PCLO: variants seen among roughly 807,000 people sequenced by gnomAD.
PCLO encodes the protein piccolo presynaptic cytomatrix protein.
PCLO carries 82 observed loss-of-function variants against 427.5 expected under a neutral mutation model. The observed-to-expected ratio is 0.19, with a 90% CI of 0.16 to 0.23. PCLO has a LOEUF of 0.23. PCLO is among the 10% of genes least tolerant of loss of function. The pLI is 1.00. For missense variants in PCLO, 6,239 were observed against 6,115.9 expected (o/e 1.02, Z -0.67); for synonymous variants, 2,357 against 2,155.4 (o/e 1.09, Z -2.59).
intron 22 of PCLO, among the ~76,000 whole-genome samples, chr7:82,788,949 C>T (rs1791043085): frequency 6.6e-6 from 1 of 151,728 alleles, no homozygotes; most frequent in Admixed American, 6.6e-5. Flanking sequence ...ATAACTCAAT[C>T]ATTCTATCTC....
chr7:82,978,854 A>C (rs1258143903), intron 3 of PCLO, among the ~76,000 whole-genome samples: 1 of 100,060 alleles, frequency 1.0e-5, no homozygotes, highest in Non-Finnish European at 2.2e-5. Flanking sequence ...ACACACACAC[A>C]CAAACACACA....
intron 22 of PCLO, among the ~76,000 whole-genome samples, chr7:82,790,698 G>T (rs1791082552): frequency 1.3e-5 from 2 of 152,156 alleles, no homozygotes; most frequent in Admixed American, 1.3e-4. Context: ...ATAATCTTCT[G>T]TAGATCCAGC....
intron 3 of PCLO, among the ~76,000 whole-genome samples, chr7:83,021,480 G>GA (rs1562923447): frequency 6.6e-6 from 1 of 151,392 alleles, no homozygotes; most frequent in Non-Finnish European, 1.5e-5. Context: ...GAGATAAAAG[G>GA]TTTTTTTTTA....
chr7:82,784,449 T>A (rs1370301690), intron 22 of PCLO, among the ~76,000 whole-genome samples: 2 of 152,068 alleles, frequency 1.3e-5, no homozygotes, highest in East Asian at 1.9e-4. Context: ...ATTTCCAAGA[T>A]TTTTTTTCTT....
rs575323693 is a variant in PCLO, at chr7:82,893,246, A to G, written c.13528+9405T>C. Among the ~76,000 whole-genome samples, 823 of 145,240 alleles carry G rather than the reference A, an allele frequency of 5.7e-3. 7 individuals are homozygous for G. The highest frequency in any genetic ancestry group is 7.0e-3 in the Non-Finnish European group (473 of 67,962). ...CACCATGGAATACTATGCAGCCATA[A>G]AAAATGATGAGTTCATGTCCTTTGT... On this transcript the variant is annotated intron_variant, in intron 9 of 24. Transcript: ENST00000333891.
chr7:83,162,314 T>C (rs1792460256), intron 1 of PCLO, 31 bp downstream of exon 1: 2 of 1,571,700 alleles, frequency 1.3e-6, no homozygotes, highest in African/African-American at 2.7e-5. Context: ...TGTACATATA[T>C]GCCCGGACAT....
At position 83,012,233 on chromosome 7, in the gene PCLO, C is replaced by T. The variant is rs573350390; in HGVS notation, c.3301-45746G>A. Among the ~76,000 whole-genome samples, 43 of 152,096 alleles carry T rather than the reference C, an allele frequency of 2.8e-4. 1 individual carries two copies. The South Asian group carries it at 6.4e-3, about 23-fold the overall frequency. On this transcript the variant is annotated intron_variant, in intron 3 of 24. Coordinates refer to ENST00000333891, the MANE Select transcript of PCLO (RefSeq NM_033026.6). ...GTGAACTATTGTAAACTGCAGAATACGCATCTTTCATCTGGGGGAAGTTAC... is the reference window on the plus strand; with the variant it reads ...GTGAACTATTGTAAACTGCAGAATATGCATCTTTCATCTGGGGGAAGTTAC...
At chr7:82,992,731 T>G (rs1441000337) in intron 3 of PCLO, among the ~76,000 whole-genome samples, 1 of 152,022 alleles carries the variant, frequency 6.6e-6, no homozygotes, top group African/African-American at 2.4e-5. Flanking sequence ...GCACATCCTG[T>G]ACATGTATCC....
chr7:82,915,807 G>A lies in PCLO; in HGVS notation c.12179C>T (p.Ala4060Val), dbSNP rs370449283. ...DDIGEITKGT[A>V]ALSTAFSLHE... ...AAGGCTAAATGCGGTGCTTAATGCC[G>A]CTGTTCCTTTGGTGATCTCTCCAAT... is the stretch of plus-strand genomic sequence containing the variant. The change falls in exon 7 of 25, where the codon GCG becomes GTG. Residue 4060 changes from alanine (A) to valine (V), a missense_variant. Around this residue, in one of 5 missense-constraint regions of PCLO, gnomAD observed 680 missense variants for 677.3 expected, o/e 1.00. Coordinates refer to ENST00000333891, the MANE Select transcript of PCLO (RefSeq NM_033026.6). 2.6e-5 allele frequency: 42 copies of A among 1,612,890 alleles called. No homozygotes were observed. The highest frequency in any genetic ancestry group is 1.6e-4 in the Middle Eastern group (1 of 6,074).
chr7:83,030,320 C>A (rs1361515202), intron 3 of PCLO, among the ~76,000 whole-genome samples: 1 of 151,888 alleles, frequency 6.6e-6, no homozygotes, highest in African/African-American at 2.4e-5. Context: ...AGGGGATATC[C>A]CTTCGATCTG....
chr7:82,823,301 C>G (rs1338903795), intron 19 of PCLO, among the ~76,000 whole-genome samples: 1 of 152,096 alleles, frequency 6.6e-6, no homozygotes, highest in Non-Finnish European at 1.5e-5. Context: ...ACTCAGTGGC[C>G]TACTGGACAT....
chr7:82,980,666 A>G (rs929468728), intron 3 of PCLO, among the ~76,000 whole-genome samples: 6 of 152,130 alleles, frequency 3.9e-5, no homozygotes, highest in Non-Finnish European at 5.9e-5. Context: ...TTTGAAGAGG[A>G]TAAGTTTACC....
intron 3 of PCLO, among the ~76,000 whole-genome samples, chr7:83,092,807 T>G (rs1790412056): frequency 6.6e-6 from 1 of 151,402 alleles, no homozygotes; most frequent in African/African-American, 2.4e-5. Flanking sequence ...GTTGGTCGGG[T>G]GTGGTGATGA....
intron 3 of PCLO, among the ~76,000 whole-genome samples, chr7:83,085,466 C>T (rs1455387940): frequency 6.6e-6 from 1 of 152,114 alleles, no homozygotes; most frequent in African/African-American, 2.4e-5. Flanking sequence ...CACAACCAGA[C>T]AGTCTGCCAC....
At chr7:82,989,433 C>T (rs1232634544) in intron 3 of PCLO, among the ~76,000 whole-genome samples, 1 of 151,902 alleles carries the variant, frequency 6.6e-6, no homozygotes, top group Admixed American at 6.6e-5. Context: ...TTATAATAAT[C>T]ATATGAATTG....
chr7:82,765,596 T>C (rs944906795), intron 22 of PCLO, among the ~76,000 whole-genome samples: 25 of 152,168 alleles, frequency 1.6e-4, no homozygotes, highest in African/African-American at 4.6e-4. Context: ...TCTCAAAGAT[T>C]TGGTATAAAA....
intron 22 of PCLO, among the ~76,000 whole-genome samples, chr7:82,794,379 T>C (rs554033892): frequency 6.6e-6 from 1 of 151,304 alleles, no homozygotes; most frequent in Non-Finnish European, 1.5e-5. Flanking sequence ...TTAATAATTA[T>C]AAGTTTTTTT....
At chr7:83,100,686 G>C (rs1411079999) in intron 3 of PCLO, among the ~76,000 whole-genome samples, 1 of 152,084 alleles carries the variant, frequency 6.6e-6, no homozygotes, top group African/African-American at 2.4e-5. Context: ...TACAGGATCA[G>C]AAACAATAAC....
At chr7:82,862,414 T>C (rs1271195719) in intron 10 of PCLO, among the ~76,000 whole-genome samples, 1 of 151,744 alleles carries the variant, frequency 6.6e-6, no homozygotes, top group Non-Finnish European at 1.5e-5. Context: ...AACTAAACAT[T>C]GATTTATCAT....
Sources: gnomAD v4.1 joint callset for allele counts (sites outside exome capture counted in the v4.1 genomes callset) on GRCh38, gnomAD v4.1.1 for gene constraint, gnomAD v4.1.1 regional missense constraint, MANE v1.5 for transcripts, NCBI Gene and HGNC (gene_info 2026-07-23, HGNC 2026-07-21) for gene names.